TEX15: variants seen among roughly 807,000 people sequenced by gnomAD.
The protein encoded by TEX15 is testis expressed 15, meiosis and synapsis associated.
A neutral mutation model predicts 237.3 loss-of-function variants in TEX15; 171 were observed. The observed-to-expected ratio is 0.72, with a 90% CI of 0.64 to 0.82. The LOEUF is 0.82. Among genes scored for constraint, TEX15 ranks in the 40% least tolerant of loss-of-function variants. The pLI, the probability that TEX15 is intolerant of heterozygous loss-of-function variation, is 0.00. For synonymous variants in TEX15, 1,338 were observed against 1,269.8 expected, an observed-to-expected ratio of 1.05 and a Z score of -1.14; for missense variants, 3,750 against 3,646.5, an observed-to-expected ratio of 1.03 and a Z score of -0.73.
chr8:30,893,075 G>A (rs1361263847), intron 2 of TEX15, among the ~76,000 whole-genome samples: 4 of 151,016 alleles, frequency 2.6e-5, no homozygotes, highest in Non-Finnish European at 4.4e-5. Flanking sequence ...TAATAAAAAT[G>A]GCTAACACGT....
At position 30,839,910 on chromosome 8, in the gene TEX15, G is replaced by A. The variant is rs768931951; in HGVS notation, c.8218C>T (p.Pro2740Ser). 1.0e-5 allele frequency: 16 copies of A among 1,599,718 alleles called. No individual in the cohort carries two copies. Among genetic ancestry groups the A allele is most frequent in the Non-Finnish European group, 1.3e-5 (15 of 1,173,358 alleles). ...AGGGCTGATGGGAACTCCTACCTTG[G>A]ATGCTTGAATGTTGCCTTTTCTCTG... The part of the protein sequence containing the change: ...INREKATFKH[P>S]RTTGSHPKSE... Residue 2740 changes from proline to serine, a missense_variant, in exon 9 of 11, where the codon CCA becomes TCA. By Grantham distance (74) the Pro-to-Ser change is moderately conservative (BLOSUM62 -1). Transcript: ENST00000643185.
In TEX15 at chr8:30,846,598, T is replaced by G; in HGVS notation, c.3569A>C (p.Lys1190Thr). The part of the protein sequence containing the change: ...SFCTHVTEAT[K>T]PEINKEDGEI... ...TCCATCTTCCTTATTTATTTCCGGTTTTGTGGCTTCAGTTACATGTGTGCA... is the reference window on the plus strand; with the variant it reads ...TCCATCTTCCTTATTTATTTCCGGTGTTGTGGCTTCAGTTACATGTGTGCA... Residue 1190 changes from lysine to threonine, a missense_variant, in exon 8 of 11, where the codon AAA becomes ACA. By Grantham distance (78) the Lys-to-Thr change is moderately conservative. Transcript: ENST00000643185. 6.2e-7 allele frequency: 1 copy of G among 1,613,908 alleles called. No individual in the cohort carries two copies. The highest frequency in any genetic ancestry group is 8.5e-7 in the Non-Finnish European group (1 of 1,179,818).
chr8:30,869,567 TAAAG>T (rs1333548076), intron 4 of TEX15, among the ~76,000 whole-genome samples: 1 of 151,968 alleles, frequency 6.6e-6, no homozygotes, highest in East Asian at 1.9e-4. Context: ...TGAGGAAGCA[TAAAG>T]AGACAACTGT....
chr8:30,867,623 A>G, intron 4 of TEX15, 121 bp from the exon 5 acceptor site: 1 of 618,778 alleles, frequency 1.6e-6, no homozygotes, highest in Non-Finnish European at 2.8e-6. Context: ...CAGAGGTATT[A>G]CTACACTGTG....
intron 1 of TEX15, among the ~76,000 whole-genome samples, chr8:30,899,270 ATC>A (rs1808963694): frequency 6.6e-6 from 1 of 152,186 alleles, no homozygotes; most frequent in Admixed American, 6.5e-5. Flanking sequence ...TACATACAGT[ATC>A]TCATTTTATC....
chr8:30,891,798 G>A (rs1307185556), intron 2 of TEX15, among the ~76,000 whole-genome samples: 3 of 152,060 alleles, frequency 2.0e-5, no homozygotes, highest in African/African-American at 2.4e-5. Context: ...CATGTACTAA[G>A]TATATTTATT....
chr8:30,833,234 A>C lies in TEX15; in HGVS notation c.*52T>G. On this transcript the variant is annotated 3_prime_UTR_variant, in exon 11 of 11. Transcript: ENST00000643185. ...AAATGTTAAAAAATATATAAGTAAA[A>C]AATATTTGGAAAAACTTGTTATGTC... is the stretch of plus-strand genomic sequence containing the variant. The C allele has an allele frequency of 7.7e-7, 1 of 1,305,984 alleles. No homozygotes were observed. Among genetic ancestry groups the C allele is most frequent in the Non-Finnish European group, 1.1e-6 (1 of 940,802 alleles). The allele number at this position is 1,305,984 out of a possible 1,614,324, so 80.9% of individuals were successfully genotyped here. A position where few individuals can be genotyped will look rare whatever the true frequency, so the allele number is the denominator to read the frequency against.
chr8:30,859,025 G>C (rs1325683697), intron 6 of TEX15, among the ~76,000 whole-genome samples, 195 bp from the exon 7 acceptor site: 1 of 151,438 alleles, frequency 6.6e-6, no homozygotes, highest in Non-Finnish European at 1.5e-5. Flanking sequence ...TTTTTTGATA[G>C]GCTACTAATG....
intron 8 of TEX15, among the ~76,000 whole-genome samples, chr8:30,840,885 A>G (rs376106684): frequency 6.6e-6 from 1 of 152,150 alleles, no homozygotes; most frequent in East Asian, 1.9e-4. Context: ...TTACCCACTA[A>G]GTTAAATTGT....
chr8:30,895,676 C>CTTTTTTTTTTTTTT lies in TEX15; in HGVS notation c.-10+3052_-10+3065dup, dbSNP rs34002027. ...CATGTCAACACCTTTTAAACACATG[C>CTTTTTTTTTTTTTT]TTTTTTTTTTTTTTTTTTTTTTTTG... On this transcript the variant is annotated intron_variant, in intron 2 of 10. Transcript: ENST00000643185. 1.6e-3 allele frequency among the ~76,000 whole-genome samples: 97 copies of CTTTTTTTTTTTTTT among 60,048 alleles called. 16 individuals carry two copies. Among genetic ancestry groups the CTTTTTTTTTTTTTT allele is most frequent in the African/African-American group, 5.4e-3 (67 of 12,340 alleles). The allele number at this position is 60,048 out of a possible 152,430, so 39.4% of individuals were successfully genotyped here.
chr8:30,854,161 A>G (rs1444472855), intron 7 of TEX15, among the ~76,000 whole-genome samples: 2 of 151,842 alleles, frequency 1.3e-5, no homozygotes, highest in Non-Finnish European at 2.9e-5. Flanking sequence ...TTAATGAAAT[A>G]GAGAATAGAA....
chr8:30,887,269 G>T lies in TEX15; in HGVS notation c.34C>A (p.Leu12Met), dbSNP rs1366811991. The T allele has an allele frequency of 6.5e-7, 1 of 1,535,260 alleles. No homozygotes were observed. Among genetic ancestry groups the T allele is most frequent in the African/African-American group, 1.4e-5 (1 of 73,002 alleles). The change falls in exon 3 of 11, where the codon CTG (leucine) becomes ATG (methionine). Residue 12 changes from leucine to methionine, a missense_variant. Leu to Met is a conservative substitution (Grantham distance 15, BLOSUM62 2). Transcript: ENST00000643185. ...TTGCTAGTTGAGCTCATTTGCCACA[G>T]TGTATCCTGTTTAGCAGTTTCTTTC... ...EMKETAKQDT[L>M]WQMSSTSKPV...
At chr8:30,904,303 C>A (rs1273688693) in intron 1 of TEX15, among the ~76,000 whole-genome samples, 1 of 151,888 alleles carries the variant, frequency 6.6e-6, no homozygotes, top group African/African-American at 2.4e-5. Flanking sequence ...AAAAACTAGC[C>A]GGGTGTGGTG....
At chr8:30,865,386 A>T (rs186881420) in intron 5 of TEX15, among the ~76,000 whole-genome samples, 1 of 152,154 alleles carries the variant, frequency 6.6e-6, no homozygotes, top group Non-Finnish European at 1.5e-5. Context: ...AACCAACATT[A>T]AAGAATAATA....
rs1457608877 is a variant in TEX15, at chr8:30,857,551, TC to T, written c.850+1116del. 2.0e-5 allele frequency among the ~76,000 whole-genome samples: 3 copies of T among 152,028 alleles called. No homozygotes were observed. In the East Asian group the frequency reaches 5.8e-4, roughly 29 times the overall value. On this transcript the variant is annotated intron_variant, in intron 7 of 10. Coordinates refer to ENST00000643185, the MANE Select transcript of TEX15 (RefSeq NM_001350162.2). Reference sequence around the variant, plus strand: ...GCCAATATCCAATATGTAAAAGAATTCCTACAAATCAGTAATGAAATAAAAA... The same window carrying T: ...GCCAATATCCAATATGTAAAAGAATTCTACAAATCAGTAATGAAATAAAAA...
At chr8:30,857,078 C>T (rs1471409061) in intron 7 of TEX15, among the ~76,000 whole-genome samples, 1 of 152,108 alleles carries the variant, frequency 6.6e-6, no homozygotes, top group African/African-American at 2.4e-5. Flanking sequence ...AGGCAAGATG[C>T]TCATGGCAAA....
rs201613905 is a variant in TEX15, at chr8:30,845,428, G to C, written c.4739C>G (p.Ser1580Cys). The change falls in exon 8 of 11, where the codon TCT becomes TGT. Residue 1580 changes from serine (S) to cysteine (C), a missense_variant. Physicochemically the swap from Ser to Cys is moderately radical, Grantham distance 112 (BLOSUM62 -1). Transcript: ENST00000643185. Reference sequence around the variant, plus strand: ...AAGCTTTTCATATTTACTAGTGCTAGATAAAAATGCTGTATCAATTTGATT... The same window carrying C: ...AAGCTTTTCATATTTACTAGTGCTACATAAAAATGCTGTATCAATTTGATT... Reference protein sequence around the residue: ...KENQIDTAFLSSTSKYEKLEK... With the variant: ...KENQIDTAFLCSTSKYEKLEK... 240 of 1,612,172 alleles carry C rather than the reference G, an allele frequency of 1.5e-4. 1 individual carries two copies. Among genetic ancestry groups the C allele is most frequent in the Non-Finnish European group, 1.9e-4 (221 of 1,178,984 alleles).
rs1185508030 is a variant in TEX15 at position 30,865,665 on chromosome 8, G to C, written c.540+1600C>G. On this transcript the variant is annotated intron_variant, in intron 5 of 10. Transcript: ENST00000643185. ...TCAACTTATACAAATCAATAAACGT[G>C]ATAGATCACATCAAGAAAATCAAAA... Among the ~76,000 whole-genome samples the C allele has an allele frequency of 2.0e-5, 3 of 152,146 alleles. No individual in the cohort carries two copies. In the East Asian group the frequency reaches 5.8e-4, roughly 29 times the overall value.
intron 7 of TEX15, among the ~76,000 whole-genome samples, chr8:30,852,099 TC>T (rs1807800410): frequency 7.4e-6 from 1 of 135,242 alleles, no homozygotes; most frequent in African/African-American, 3.1e-5. Flanking sequence ...ATTAATTTAA[TC>T]TTTTTTTTTT....
Sources: allele counts gnomAD v4.1 joint callset (sites outside exome capture counted in the v4.1 genomes callset), GRCh38; gene constraint gnomAD v4.1.1; transcripts MANE v1.5; gene names NCBI Gene and HGNC (gene_info 2026-07-23, HGNC 2026-07-21).